PTAFR: variants seen among roughly 807,000 people sequenced by gnomAD.
The protein encoded by PTAFR is platelet activating factor receptor.
A neutral mutation model predicts 14.7 loss-of-function variants in PTAFR; 8 were observed. The observed-to-expected ratio is 0.54, with a 90% CI of 0.32 to 0.98. The LOEUF is 0.98. Ranked by LOEUF, PTAFR falls within the 50% of genes least tolerant of loss-of-function variation. PTAFR has a pLI of 0.04. For synonymous variants in PTAFR, 156 were observed against 176.5 expected, an observed-to-expected ratio of 0.88 and a Z score of 0.92; for missense variants, 337 against 451.2, an observed-to-expected ratio of 0.75 and a Z score of 2.29.
At chr1:28,167,950 C>CTT (rs33965504) in intron 1 of PTAFR, among the ~76,000 whole-genome samples, 1 of 38,148 alleles carries the variant, frequency 2.6e-5, no homozygotes, top group Non-Finnish European at 4.3e-5. Flanking sequence ...AAAACCAGAT[C>CTT]TTTTTTTTTT....
upstream of PTAFR, among the ~76,000 whole-genome samples, chr1:28,179,775 G>T (rs371537116): frequency 6.6e-6 from 1 of 151,928 alleles, no homozygotes; most frequent in Non-Finnish European, 1.5e-5. Context: ...GGAGGCGGAG[G>T]TTGCAGTGAG....
At chr1:28,183,770 C>T (rs949943815) in intron 1 of PTAFR, among the ~76,000 whole-genome samples, 3 of 152,014 alleles carry the variant, frequency 2.0e-5, no homozygotes, top group Non-Finnish European at 4.4e-5. Flanking sequence ...CCTGTTAATC[C>T]CAGCTACTCA....
chr1:28,191,773 A>G (rs1646655975), intron 1 of PTAFR, among the ~76,000 whole-genome samples: 1 of 151,900 alleles, frequency 6.6e-6, no homozygotes, highest in Non-Finnish European at 1.5e-5. Flanking sequence ...TTAATTAAAA[A>G]AAAAAGAGGC....
chr1:28,156,650 G>C (rs1212016535), intron 1 of PTAFR, among the ~76,000 whole-genome samples: 1 of 152,112 alleles, frequency 6.6e-6, no homozygotes, highest in East Asian at 1.9e-4. Flanking sequence ...GTAAACAAAA[G>C]CTCTTTGGCA....
intron 1 of PTAFR, among the ~76,000 whole-genome samples, chr1:28,151,574 C>T (rs1045268284): frequency 6.6e-6 from 1 of 151,812 alleles, no homozygotes; most frequent in Non-Finnish European, 1.5e-5. Context: ...AAAAGGGCTC[C>T]GGGTTGCCCA....
chr1:28,157,284 C>T (rs1646274780), intron 1 of PTAFR, among the ~76,000 whole-genome samples: 1 of 152,050 alleles, frequency 6.6e-6, no homozygotes. Flanking sequence ...GGATTACAGG[C>T]ACACGCTACC....
chr1:28,186,705 G>A (rs1385969550), intron 1 of PTAFR, among the ~76,000 whole-genome samples: 19 of 152,080 alleles, frequency 1.2e-4, no homozygotes. Flanking sequence ...CAGGCGGGTC[G>A]CCTGAGGTCG....
chr1:28,184,770 G>A (rs946098160), intron 1 of PTAFR, among the ~76,000 whole-genome samples: 1 of 152,082 alleles, frequency 6.6e-6, no homozygotes, highest in Middle Eastern at 3.2e-3. Context: ...CTCTCAAGTA[G>A]CTGGCATTAC....
intron 1 of PTAFR, among the ~76,000 whole-genome samples, chr1:28,185,951 T>C (rs1312750293): frequency 6.6e-6 from 1 of 152,162 alleles, no homozygotes; most frequent in Non-Finnish European, 1.5e-5. Context: ...ATTTTGGCTT[T>C]TTTTTTGTTT....
chr1:28,172,333 G>A (rs751282125), intron 1 of PTAFR, among the ~76,000 whole-genome samples: 1 of 152,112 alleles, frequency 6.6e-6, no homozygotes, highest in Non-Finnish European at 1.5e-5. Flanking sequence ...TGTTATACCA[G>A]GAATCACGCT....
upstream of PTAFR, among the ~76,000 whole-genome samples, chr1:28,181,485 G>A (rs1226039213): frequency 5.9e-5 from 9 of 152,114 alleles, no homozygotes; most frequent in Non-Finnish European, 7.3e-5. Context: ...GGTGGCTCAC[G>A]CCTGTAATCT....
intron 1 of PTAFR, among the ~76,000 whole-genome samples, chr1:28,165,732 G>A (rs574559809): frequency 2.0e-5 from 3 of 149,638 alleles, no homozygotes; most frequent in African/African-American, 4.9e-5. Flanking sequence ...ACAGTGAGCC[G>A]AGATCGTGCC....
intron 1 of PTAFR, among the ~76,000 whole-genome samples, chr1:28,183,809 C>T (rs1430074149): frequency 6.6e-6 from 1 of 152,070 alleles, no homozygotes; most frequent in Non-Finnish European, 1.5e-5. Flanking sequence ...ATCACTTGAA[C>T]CCGGGAGGCA....
At chr1:28,184,088 T>G (rs1211015829) in intron 1 of PTAFR, among the ~76,000 whole-genome samples, 3 of 127,422 alleles carry the variant, frequency 2.4e-5, no homozygotes, top group Non-Finnish European at 3.3e-5. Context: ...GTCTGTTTTT[T>G]TTTTTTTTTT....
At chr1:28,157,315 T>G (rs531582257) in intron 1 of PTAFR, among the ~76,000 whole-genome samples, 10 of 151,954 alleles carry the variant, frequency 6.6e-5, no homozygotes, top group African/African-American at 2.4e-4. Flanking sequence ...ATTTTTGTAT[T>G]TTTTGGTAGA....
In PTAFR at chr1:28,187,170, G is replaced by A. The variant is rs1037656120; in HGVS notation, c.-39+6552C>T. ...TATTCTTCCACCCACACTATCCTCC[G>A]TTTACTGATGAGAAAAGGGCTACTC... On this transcript the variant is annotated intron_variant, in intron 1 of 1. Transcript: ENST00000305392. Among the ~76,000 whole-genome samples the A allele has an allele frequency of 2.6e-5, 4 of 152,036 alleles. No homozygotes were observed. In the East Asian group the frequency reaches 5.8e-4, roughly 22 times the overall value.
chr1:28,192,784 T>A (rs181384761), intron 1 of PTAFR, among the ~76,000 whole-genome samples: 3 of 151,884 alleles, frequency 2.0e-5, no homozygotes, highest in African/African-American at 4.8e-5. Flanking sequence ...GTAGCTGGGA[T>A]TACAGGCACC....
In PTAFR at chr1:28,167,633, A is replaced by ATTTTTTTTTTTTTTTT. The variant is rs780344665; in HGVS notation, c.-39+8943_-39+8958dup. On this transcript the variant is annotated intron_variant, in intron 1 of 1. Coordinates refer to ENST00000373857, the MANE Select transcript of PTAFR (RefSeq NM_000952.5). ...TATATTCAAAAGAACTGAAAACGGG[A>ATTTTTTTTTTTTTTTT]TTTTTTTTTTTTTTTTTTTTTTTTT... Among the ~76,000 whole-genome samples the ATTTTTTTTTTTTTTTT allele has an allele frequency of 3.0e-4, 24 of 80,252 alleles. 4 individuals carry two copies. The highest frequency in any genetic ancestry group is 1.1e-3 in the African/African-American group (19 of 18,050). The allele number at this position is 80,252 out of a possible 152,430, so 52.6% of individuals were successfully genotyped here.
intron 1 of PTAFR, among the ~76,000 whole-genome samples, chr1:28,187,998 C>G (rs1296262396): frequency 6.7e-6 from 1 of 150,116 alleles, no homozygotes; most frequent in Non-Finnish European, 1.5e-5. Flanking sequence ...GGCAACATAG[C>G]AAGACCTCAT....
Sources: allele counts gnomAD v4.1 joint callset (sites outside exome capture counted in the v4.1 genomes callset), GRCh38; gene constraint gnomAD v4.1.1; transcripts MANE v1.5; gene names NCBI Gene and HGNC (gene_info 2026-07-23, HGNC 2026-07-21).